EFCAB10: variants seen among roughly 807,000 people sequenced by gnomAD.
The protein encoded by EFCAB10 is EF-hand calcium-binding domain-containing protein 10.
EFCAB10 carries 7 observed loss-of-function variants against 7.7 expected under a neutral mutation model. That is an observed-to-expected ratio of 0.91 (90% CI 0.52 to 1.72). The LOEUF is 1.72. Among genes scored for constraint, EFCAB10 ranks in the 40% most tolerant of loss-of-function variants. EFCAB10 has a pLI of 0.00. For missense variants in EFCAB10, 112 were observed against 61.5 expected (o/e 1.82, Z -2.74); for synonymous variants, 52 against 21.0 (o/e 2.47, Z -4.03).
intron 1 of EFCAB10, chr7:105,571,831 TA>T (rs57012505): frequency 0.98 from 148,661 of 152,194 alleles, 72,683 homozygotes; most frequent in East Asian, 1. Context: ...TTCCTGATCT[TA>T]AAAAAAATCT....
In EFCAB10 at chr7:105,580,106, C is replaced by T. The variant is rs181439550; in HGVS notation, c.106+1252G>A. Among the ~76,000 whole-genome samples the T allele has an allele frequency of 1.6e-3, 250 of 152,200 alleles. 2 individuals are homozygous for T. The highest frequency in any genetic ancestry group is 5.8e-3 in the African/African-American group (240 of 41,528). The stretch of plus-strand genomic sequence containing the variant: ...GTTCACGTGATCCTCCCACATCAGC[C>T]TCTTGAGTAGCTGGGATTATAGGCA... On this transcript the variant is annotated intron_variant, in intron 1 of 4. Coordinates refer to ENST00000480514, the MANE Select transcript of EFCAB10 (RefSeq NM_001355526.2).
At chr7:105,580,093 C>G (rs1480598598) in intron 1 of EFCAB10, among the ~76,000 whole-genome samples, 3 of 152,082 alleles carry the variant, frequency 2.0e-5, no homozygotes, top group African/African-American at 7.2e-5. Flanking sequence ...TCACGTGATC[C>G]TCCCACATCA....
At chr7:105,574,634 G>A (rs566717451) in intron 1 of EFCAB10, among the ~76,000 whole-genome samples, 4 of 151,764 alleles carry the variant, frequency 2.6e-5, no homozygotes, top group African/African-American at 4.8e-5. Flanking sequence ...ACAGGCGCCC[G>A]CCACCATGCC....
intron 1 of EFCAB10, among the ~76,000 whole-genome samples, chr7:105,574,011 G>A (rs1387900591): frequency 6.6e-6 from 1 of 151,768 alleles, no homozygotes; most frequent in East Asian, 1.9e-4. Flanking sequence ...TTTTATTAAA[G>A]CCATCCCCTA....
intron 1 of EFCAB10, among the ~76,000 whole-genome samples, chr7:105,570,683 T>A (rs965998011): frequency 3.3e-5 from 5 of 152,058 alleles, no homozygotes; most frequent in Non-Finnish European, 5.9e-5. Context: ...ATGCTGGGAT[T>A]TATAGGCATG....
chr7:105,571,246 A>G (rs994344202), intron 1 of EFCAB10: 1 of 152,106 alleles, frequency 6.6e-6, no homozygotes, highest in African/African-American at 2.4e-5. Context: ...AATAGCCCAA[A>G]CCATCTCAGT....
rs548662294 is a variant in EFCAB10, at chr7:105,568,703, A to T, written c.359+500T>A. 8.5e-5 allele frequency among the ~76,000 whole-genome samples: 13 copies of T among 152,232 alleles called. No homozygotes were observed. The East Asian group carries it at 2.3e-3, about 27-fold the overall frequency. On this transcript the variant is annotated intron_variant, in intron 3 of 4. Transcript: ENST00000480514. Reference sequence around the variant, plus strand: ...CCCATTACATGCCTGTAATCCCAGCACTTTGAGAGGCCGAGGCAGTGGATC... The same window carrying T: ...CCCATTACATGCCTGTAATCCCAGCTCTTTGAGAGGCCGAGGCAGTGGATC...
rs112236461 is a variant in EFCAB10, at chr7:105,574,195, C to T, written c.107-4624G>A. 7.8e-3 allele frequency among the ~76,000 whole-genome samples: 1,163 copies of T among 148,680 alleles called. 10 individuals carry two copies. The highest frequency in any genetic ancestry group is 0.022 in the African/African-American group (878 of 40,498). ...ACCCATATGTATATATACACACACA[C>T]GTATATATATAGACACACACACACC... On this transcript the variant is annotated intron_variant, in intron 1 of 4. Transcript: ENST00000480514.
At chr7:105,578,754 C>G (rs544940758) in intron 1 of EFCAB10, among the ~76,000 whole-genome samples, 1 of 152,206 alleles carries the variant, frequency 6.6e-6, no homozygotes, top group African/African-American at 2.4e-5. Flanking sequence ...GCAATATGTT[C>G]CAAGTTAAAA....
chr7:105,578,064 T>C (rs187339389), intron 1 of EFCAB10, among the ~76,000 whole-genome samples: 1 of 152,330 alleles, frequency 6.6e-6, no homozygotes, highest in East Asian at 1.9e-4. Flanking sequence ...ATCCCAAGCC[T>C]GTCTTTTTAA....
chr7:105,579,905 T>C (rs1792179928), intron 1 of EFCAB10, among the ~76,000 whole-genome samples: 2 of 152,188 alleles, frequency 1.3e-5, no homozygotes, highest in African/African-American at 4.8e-5. Flanking sequence ...AAAAATGAAA[T>C]TTAAAAATAA....
intron 1 of EFCAB10, chr7:105,571,769 A>T (rs543738558): frequency 6.6e-6 from 1 of 152,496 alleles, no homozygotes; most frequent in Non-Finnish European, 1.5e-5. Context: ...TCAATGGGAA[A>T]TCATTAGCAT....
chr7:105,567,971 G>A (rs1791835888), intron 3 of EFCAB10, among the ~76,000 whole-genome samples: 1 of 152,214 alleles, frequency 6.6e-6, no homozygotes, highest in African/African-American at 2.4e-5. Flanking sequence ...AGCAGCCTGG[G>A]CAAGCGAACA....
In EFCAB10 at chr7:105,576,072, C is replaced by T. The variant is rs143963844; in HGVS notation, c.106+5286G>A. Among the ~76,000 whole-genome samples the T allele has an allele frequency of 2.6e-3, 391 of 152,280 alleles. 3 individuals carry two copies. Among genetic ancestry groups the T allele is most frequent in the African/African-American group, 9.1e-3 (377 of 41,570 alleles). On this transcript the variant is annotated intron_variant, in intron 1 of 4. Transcript: ENST00000480514. ...AGAAATACCAGGGGCTTCACAAAGACACAGGATAAAGCTAGTGTGTCTTTC... is the reference window on the plus strand; with the variant it reads ...AGAAATACCAGGGGCTTCACAAAGATACAGGATAAAGCTAGTGTGTCTTTC...
At position 105,574,493 on chromosome 7, in the gene EFCAB10, T is replaced by A. The variant is rs1225503650; in HGVS notation, c.107-4922A>T. ...GAGAGACCTTGTGCAGGGAAGCTCC[T>A]TTTTTTTTTGAGACGGAATCTCGCT... On this transcript the variant is annotated intron_variant, in intron 1 of 4. Coordinates refer to ENST00000480514, the MANE Select transcript of EFCAB10 (RefSeq NM_001355526.2). Among the ~76,000 whole-genome samples, 17 of 108,508 alleles carry A rather than the reference T, an allele frequency of 1.6e-4. No individual in the cohort carries two copies. In the East Asian group the frequency reaches 3.4e-3, roughly 22 times the overall value. The allele number at this position is 108,508 out of a possible 152,430, so 71.2% of individuals were successfully genotyped here.
Position 105,565,454 on chromosome 7 carries a change from A to C in EFCAB10, c.*-7T>G. 6.2e-7 allele frequency: 1 copy of C among 1,613,722 alleles called. No individual in the cohort carries two copies. The highest frequency in any genetic ancestry group is 1.3e-5 in the African/African-American group (1 of 75,034). ...AGAAGCTGGATGTATACATCTACCA[A>C]GAAGTAAGTAAGAATAGACTGTTTT... On this transcript the variant is annotated splice_polypyrimidine_tract_variant and splice_region_variant and intron_variant, in intron 4 of 4. Coordinates refer to ENST00000480514, the MANE Select transcript of EFCAB10 (RefSeq NM_001355526.2).
At chr7:105,570,266 T>TACACAC (rs199655037) in intron 1 of EFCAB10, among the ~76,000 whole-genome samples, 320 of 79,896 alleles carry the variant, frequency 4.0e-3, no homozygotes, top group Non-Finnish European at 5.2e-3. Context: ...TATATATATA[T>TACACAC]ATACACACAC....
At chr7:105,574,222 G>A (rs1050793220) in intron 1 of EFCAB10, among the ~76,000 whole-genome samples, 26 of 143,876 alleles carry the variant, frequency 1.8e-4, no homozygotes, top group African/African-American at 4.2e-4. Context: ...ACACACACCC[G>A]TATATGTACA....
Position 105,581,448 on chromosome 7 carries a change from T to G in EFCAB10, c.16A>C (p.Arg6=). 4.3e-6 allele frequency: 3 copies of G among 703,158 alleles called. No individual in the cohort carries two copies. The highest frequency in any genetic ancestry group is 7.8e-6 in the Non-Finnish European group (3 of 384,998). 43.6% of individuals were successfully genotyped at this position (703,158 alleles called of 1,614,324 possible). A position where few individuals can be genotyped will look rare whatever the true frequency, so the allele number is the denominator to read the frequency against. Residue 6 remains arginine, a synonymous_variant, in exon 1 of 5, where the codon AGG becomes CGG. Transcript: ENST00000480514. METSS[R]ELQAAEYLEK... Reference sequence around the variant, plus strand: ...AAATACTCCGCGGCTTGGAGCTCCCTGCTGCTGGTCTCCATCGCTCCGCGT... The same window carrying G: ...AAATACTCCGCGGCTTGGAGCTCCCGGCTGCTGGTCTCCATCGCTCCGCGT...
Sources: gnomAD v4.1 joint callset for allele counts (sites outside exome capture counted in the v4.1 genomes callset) on GRCh38, gnomAD v4.1.1 for gene constraint, MANE v1.5 for transcripts, NCBI Gene and HGNC (gene_info 2026-07-23, HGNC 2026-07-21) for gene names.